The following RBFOX1 variants were observed in gnomAD, a reference collection of about 807,000 sequenced individuals.
RBFOX1 encodes the protein RNA binding fox-1 homolog 1, also known as RNA binding protein fox-1 homolog 1.
RBFOX1 carries 8 observed loss-of-function variants against 57.7 expected under a neutral mutation model. That is an observed-to-expected ratio of 0.14 (90% CI 0.08 to 0.25). The LOEUF (loss-of-function observed/expected upper bound fraction) is 0.25. RBFOX1 is among the 10% of genes least tolerant of loss of function. The pLI is 1.00. For missense variants in RBFOX1, 611 were observed against 548.5 expected (o/e 1.11, Z -1.14); for synonymous variants, 326 against 222.4 (o/e 1.47, Z -4.15).
At chr16:5,919,707 C>G (rs984026698) in intron 4 of RBFOX1, among the ~76,000 whole-genome samples, 10 of 152,168 alleles carry the variant, frequency 6.6e-5, no homozygotes, top group Non-Finnish European at 4.4e-5. Flanking sequence ...CCACCACCAC[C>G]TTGATCTCGT....
chr16:6,894,062 G>C (rs116985570), intron 3 of RBFOX1, among the ~76,000 whole-genome samples: 1,689 of 152,176 alleles, frequency 0.011, 19 homozygotes, highest in Non-Finnish European at 0.02. Flanking sequence ...CATAATACTG[G>C]ATCAATAGAT....
intron 2 of RBFOX1, among the ~76,000 whole-genome samples, chr16:5,529,345 T>G (rs1181364691): frequency 1.3e-5 from 2 of 151,768 alleles, no homozygotes; most frequent in East Asian, 3.9e-4. Flanking sequence ...GTTAAGATGA[T>G]GTCATACTGG....
intron 4 of RBFOX1, among the ~76,000 whole-genome samples, chr16:7,143,955 C>T (rs1159220303): frequency 6.6e-6 from 1 of 151,906 alleles, no homozygotes; most frequent in African/African-American, 2.4e-5. Context: ...AGTTTTTTTT[C>T]TGAAAACAAT....
intron 4 of RBFOX1, among the ~76,000 whole-genome samples, chr16:7,252,546 C>G (rs985168936): frequency 6.6e-6 from 1 of 152,178 alleles, no homozygotes; most frequent in Non-Finnish European, 1.5e-5. Context: ...GAAGATCTGA[C>G]AAAGCTTGTC....
chr16:6,419,108 C>T (rs2093705128), intron 2 of RBFOX1, among the ~76,000 whole-genome samples: 6 of 152,280 alleles, frequency 3.9e-5, no homozygotes, highest in Middle Eastern at 6.8e-3. Context: ...TTCTACAGGC[C>T]AGCATGATTT....
At chr16:6,509,817 C>G (rs972691706) in intron 2 of RBFOX1, among the ~76,000 whole-genome samples, 12 of 152,134 alleles carry the variant, frequency 7.9e-5, no homozygotes, top group African/African-American at 2.9e-4. Context: ...TATACACTTA[C>G]CATGTTCTCC....
chr16:7,665,524 T>C (rs2068982281), intron 13 of RBFOX1, among the ~76,000 whole-genome samples: 1 of 152,148 alleles, frequency 6.6e-6, no homozygotes, highest in African/African-American at 2.4e-5. Flanking sequence ...AACCTTTTAT[T>C]CCATTTCCCC....
chr16:7,473,341 G>A (rs1005115771), intron 4 of RBFOX1, among the ~76,000 whole-genome samples: 2 of 150,862 alleles, frequency 1.3e-5, no homozygotes, highest in Non-Finnish European at 2.9e-5. Flanking sequence ...TCACACCACT[G>A]CACTAGAACC....
At chr16:7,178,510 C>G (rs1375275279) in intron 4 of RBFOX1, among the ~76,000 whole-genome samples, 1 of 152,104 alleles carries the variant, frequency 6.6e-6, no homozygotes, top group African/African-American at 2.4e-5. Context: ...GACTGATAAT[C>G]ATTACTAAAC....
chr16:6,621,536 C>G (rs1479015344), intron 2 of RBFOX1, among the ~76,000 whole-genome samples: 3 of 152,200 alleles, frequency 2.0e-5, no homozygotes, highest in Non-Finnish European at 2.9e-5. Flanking sequence ...AATCAAAAAT[C>G]TCAAGAGGCT....
chr16:6,394,485 C>G (rs746459489), intron 2 of RBFOX1, among the ~76,000 whole-genome samples: 1 of 146,160 alleles, frequency 6.8e-6, no homozygotes, highest in Non-Finnish European at 1.5e-5. Context: ...ATTTACCCCC[C>G]AGAATAGCAG....
chr16:5,783,520 C>T (rs1007689321), intron 3 of RBFOX1, among the ~76,000 whole-genome samples: 9 of 152,268 alleles, frequency 5.9e-5, no homozygotes, highest in African/African-American at 1.2e-4. Context: ...ACCCTCATCC[C>T]GTTATCCAGA....
chr16:6,529,634 A>T (rs2096629253), intron 2 of RBFOX1, among the ~76,000 whole-genome samples: 1 of 151,974 alleles, frequency 6.6e-6, no homozygotes, highest in South Asian at 2.1e-4. Context: ...TTTCACTGAT[A>T]GCACAGCTAT....
intron 3 of RBFOX1, among the ~76,000 whole-genome samples, chr16:6,916,878 C>G (rs774873803): frequency 1.3e-5 from 2 of 152,112 alleles, no homozygotes; most frequent in Non-Finnish European, 2.9e-5. Context: ...AAGATGGAGT[C>G]TCTCTCTGTT....
At chr16:7,396,232 G>T (rs2098136931) in intron 4 of RBFOX1, among the ~76,000 whole-genome samples, 1 of 152,140 alleles carries the variant, frequency 6.6e-6, no homozygotes, top group Non-Finnish European at 1.5e-5. Context: ...GGCTGTGGCA[G>T]TACAACTGTC....
At chr16:6,898,939 G>A (rs1370804964) in intron 3 of RBFOX1, among the ~76,000 whole-genome samples, 1 of 151,346 alleles carries the variant, frequency 6.6e-6, no homozygotes, top group African/African-American at 2.4e-5. Flanking sequence ...GTGTATGTGT[G>A]TATATGTGTA....
intron 14 of RBFOX1, among the ~76,000 whole-genome samples, chr16:7,692,337 A>C: frequency 6.6e-6 from 1 of 152,206 alleles, no homozygotes; most frequent in Non-Finnish European, 1.5e-5. Context: ...TTTATATTCC[A>C]GGGTGTACCT....
intron 3 of RBFOX1, among the ~76,000 whole-genome samples, chr16:5,822,019 C>G (rs1051794956): frequency 1.3e-5 from 2 of 152,276 alleles, no homozygotes; most frequent in South Asian, 4.2e-4. Context: ...GAACACTTAA[C>G]GTAAGATCTA....
At chr16:6,316,960 T>G in intron 1 of RBFOX1, 35 bp from the exon 2 acceptor site, 1 of 1,519,736 alleles carries the variant, frequency 6.6e-7, no homozygotes, top group Non-Finnish European at 8.8e-7. Context: ...AATACATTTC[T>G]TGATACTAAA....
Sources: gnomAD v4.1 joint callset for allele counts (sites outside exome capture counted in the v4.1 genomes callset) on GRCh38, gnomAD v4.1.1 for gene constraint, MANE v1.5 for transcripts, NCBI Gene and HGNC (gene_info 2026-07-23, HGNC 2026-07-21) for gene names.